The following DMD variants were observed in gnomAD, a reference collection of about 807,000 sequenced individuals.
The protein encoded by DMD is dystrophin, also known as mutant dystrophin.
In DMD, 63 loss-of-function variants were observed where a neutral mutation model predicts 330.1. The ratio of observed to expected loss-of-function variants is 0.19; its 90% CI spans 0.16 to 0.24. The LOEUF is 0.24. Among genes scored for constraint, DMD ranks in the 10% least tolerant of loss-of-function variants. The pLI, the probability that DMD is intolerant of heterozygous loss-of-function variation, is 1.00. For synonymous variants in DMD, 1,223 were observed against 959.8 expected (o/e 1.27, Z -5.07); for missense variants, 3,344 against 2,684.1 (o/e 1.25, Z -5.43).
chrX:32,342,975 T>A, intron 40 of DMD, 159 bp downstream of exon 40: 2 of 542,795 alleles, frequency 3.7e-6, no homozygotes, highest in Non-Finnish European at 6.3e-6. Flanking sequence ...TAACACTTAA[T>A]ACAATACATT....
chrX:32,463,598 A>G lies in DMD; in HGVS notation c.3277-4T>C, dbSNP rs1487831471. On this transcript the variant is annotated splice_polypyrimidine_tract_variant and splice_region_variant and intron_variant, in intron 24 of 78. Transcript: ENST00000357033. ...TCTGAATATCACTGACTAAAAGCTAAGAAAATAAATCAATTTAAGCCAGCT... is the reference window on the plus strand; with the variant it reads ...TCTGAATATCACTGACTAAAAGCTAGGAAAATAAATCAATTTAAGCCAGCT... 2 of 1,139,045 alleles carry G rather than the reference A, an allele frequency of 1.8e-6. No homozygotes were observed. The highest frequency in any genetic ancestry group is 2.6e-5 in the Admixed American group (1 of 37,914). The allele number at this position is 1,139,045 out of a possible 1,213,427, so 93.9% of individuals were successfully genotyped here.
intron 7 of DMD, among the ~76,000 whole-genome samples, chrX:32,735,889 T>G (rs1194643148): frequency 9.0e-6 from 1 of 111,628 alleles, no homozygotes; most frequent in African/African-American, 3.3e-5. Context: ...CCAAAAGCAA[T>G]GGCAACAAAA....
At chrX:32,700,474 T>C (rs2064018399) in intron 7 of DMD, among the ~76,000 whole-genome samples, 2 of 111,018 alleles carry the variant, frequency 1.8e-5, no homozygotes, top group Admixed American at 9.6e-5. Flanking sequence ...GAAAAATAAG[T>C]TCAGGAGATC....
At chrX:33,290,315 A>G (rs2053494018) in intron 1 of DMD, among the ~76,000 whole-genome samples, 2 of 111,586 alleles carry the variant, frequency 1.8e-5, no homozygotes, top group Non-Finnish European at 3.8e-5. Context: ...TCCCTATATA[A>G]GTACCTCTAT....
At chrX:31,969,830 G>T (rs1418785050) in intron 44 of DMD, among the ~76,000 whole-genome samples, 3 of 111,713 alleles carry the variant, frequency 2.7e-5, no homozygotes, top group Non-Finnish European at 5.7e-5. Flanking sequence ...CACAGTTACT[G>T]AACTATTCAC....
intron 7 of DMD, among the ~76,000 whole-genome samples, chrX:32,735,677 A>G (rs2068363447): frequency 8.9e-6 from 1 of 112,008 alleles, no homozygotes; most frequent in Admixed American, 9.5e-5. Context: ...AGGATTCCCT[A>G]TTTAATAAAT....
intron 48 of DMD, among the ~76,000 whole-genome samples, chrX:31,843,718 G>A (rs1473821577): frequency 9.0e-6 from 1 of 111,516 alleles, no homozygotes; most frequent in Non-Finnish European, 1.9e-5. Context: ...AGTTTAATTA[G>A]ATCCCACTTG....
chrX:32,912,501 G>T (rs762905313), intron 2 of DMD, among the ~76,000 whole-genome samples: 3 of 109,341 alleles, frequency 2.7e-5, no homozygotes, highest in East Asian at 6.2e-4. Context: ...AATAGGAAAA[G>T]AATTAAAACT....
chrX:31,520,918 A>T (rs1299815839), intron 55 of DMD, among the ~76,000 whole-genome samples: 1 of 110,787 alleles, frequency 9.0e-6, no homozygotes, highest in African/African-American at 3.3e-5. Context: ...TGACCTCGTG[A>T]TCTGCCCACC....
intron 48 of DMD, among the ~76,000 whole-genome samples, chrX:31,857,868 T>C (rs1242944020): frequency 9.1e-6 from 1 of 110,144 alleles, no homozygotes; most frequent in African/African-American, 3.3e-5. Flanking sequence ...GGAATTTAAA[T>C]TTTCTATATC....
intron 7 of DMD, among the ~76,000 whole-genome samples, chrX:32,787,019 C>G (rs192065500): frequency 9.0e-6 from 1 of 111,470 alleles, no homozygotes; most frequent in Admixed American, 9.6e-5. Context: ...GTCTGGGAAC[C>G]AATTCAACCA....
At chrX:32,887,203 C>T (rs1443601048) in intron 2 of DMD, among the ~76,000 whole-genome samples, 1 of 108,281 alleles carries the variant, frequency 9.2e-6, no homozygotes, top group East Asian at 3.0e-4. Flanking sequence ...AAAAATTAGC[C>T]GGGCGTGCTG....
rs1425457627 is a variant in DMD at position 32,441,330 on chromosome X, A to G, written c.3787-16T>C. ...CCCAAACTTCCTAAGAAAGAAATAT[A>G]TATCACAGATTAAATATTATGGTAG... On this transcript the variant is annotated splice_polypyrimidine_tract_variant and intron_variant, in intron 27 of 78. Transcript: ENST00000357033. 4.2e-6 allele frequency: 5 copies of G among 1,195,330 alleles called. No homozygotes were observed. The highest frequency in any genetic ancestry group is 3.0e-5 in the East Asian group (1 of 33,608).
At chrX:31,365,963 A>C (rs183716499) in intron 60 of DMD, among the ~76,000 whole-genome samples, 38 of 112,495 alleles carry the variant, frequency 3.4e-4, no homozygotes, top group Non-Finnish European at 6.4e-4. Flanking sequence ...AAAGCCAAAC[A>C]ACAGAAATGC....
intron 1 of DMD, among the ~76,000 whole-genome samples, chrX:33,239,698 A>G (rs2052555004): frequency 8.9e-6 from 1 of 111,814 alleles, no homozygotes; most frequent in Admixed American, 9.5e-5. Flanking sequence ...ACATTGTGAT[A>G]TGGTTAAATC....
chrX:31,561,046 T>A (rs2075167522), intron 55 of DMD, among the ~76,000 whole-genome samples: 1 of 111,778 alleles, frequency 8.9e-6, no homozygotes, highest in Non-Finnish European at 1.9e-5. Context: ...TTCCAAAGGC[T>A]CCCTTTGCCC....
At chrX:32,634,440 G>A (rs1415513182) in intron 11 of DMD, among the ~76,000 whole-genome samples, 1 of 111,929 alleles carries the variant, frequency 8.9e-6, no homozygotes, top group African/African-American at 3.3e-5. Flanking sequence ...GGAATGTACT[G>A]GGTCACACCT....
chrX:32,417,205 G>A (rs1328625761), intron 29 of DMD, among the ~76,000 whole-genome samples: 1 of 111,467 alleles, frequency 9.0e-6, no homozygotes, highest in African/African-American at 3.3e-5. Context: ...ATAGCAAAGG[G>A]CTTACAAAAG....
intron 48 of DMD, among the ~76,000 whole-genome samples, chrX:31,868,114 G>A (rs961923314): frequency 1.8e-5 from 2 of 111,416 alleles, no homozygotes; most frequent in Non-Finnish European, 3.8e-5. Flanking sequence ...TTATACCATT[G>A]GACAAAGTCA....
Sources: allele counts gnomAD v4.1 joint callset (sites outside exome capture counted in the v4.1 genomes callset), GRCh38; gene constraint gnomAD v4.1.1; transcripts MANE v1.5; gene names NCBI Gene and HGNC (gene_info 2026-07-23, HGNC 2026-07-21).